GNB4: variants seen among roughly 807,000 people sequenced by gnomAD.
GNB4 encodes the protein G protein subunit beta 4.
Under a neutral mutation model 45.2 loss-of-function variants are expected in GNB4, and 28 were observed. The observed-to-expected ratio is 0.62, with a 90% CI of 0.46 to 0.85. GNB4 has a LOEUF of 0.85. Among genes scored for constraint, GNB4 ranks in the 40% least tolerant of loss-of-function variants. GNB4 has a pLI of 0.00. For synonymous variants in GNB4, 132 were observed against 143.7 expected, an observed-to-expected ratio of 0.92 and a Z score of 0.58; for missense variants, 321 against 425.4, an observed-to-expected ratio of 0.75 and a Z score of 2.16.
the GNB4 span, among the ~76,000 whole-genome samples, chr3:179,510,241 C>T: frequency 6.6e-6 from 1 of 152,252 alleles, no homozygotes; most frequent in African/African-American, 2.4e-5. Context: ...CCGCCCTGCC[C>T]AGCTCACTCA....
the GNB4 span, among the ~76,000 whole-genome samples, chr3:179,459,709 GA>G: frequency 3.4e-5 from 5 of 146,044 alleles, no homozygotes; most frequent in Admixed American, 2.7e-4. Context: ...AAAAAAGCAA[GA>G]AAAAAAAAAG....
chr3:179,415,698 G>A (rs1280517915), intron 5 of GNB4, among the ~76,000 whole-genome samples: 2 of 152,098 alleles, frequency 1.3e-5, no homozygotes, highest in Admixed American at 1.3e-4. Context: ...CACGTGGCAG[G>A]ATTACTACTA....
the GNB4 span, among the ~76,000 whole-genome samples, chr3:179,476,697 G>A: frequency 6.6e-6 from 1 of 152,210 alleles, no homozygotes; most frequent in Non-Finnish European, 1.5e-5. Context: ...TGTCCCTGCA[G>A]CTGTTGCATT....
the GNB4 span, among the ~76,000 whole-genome samples, chr3:179,481,301 C>T: frequency 2.6e-5 from 4 of 151,948 alleles, no homozygotes; most frequent in African/African-American, 2.4e-5. Context: ...TGCTAATGAG[C>T]GCCTGGCAAA....
At chr3:179,494,369 A>T in the GNB4 span, among the ~76,000 whole-genome samples, 1 of 151,144 alleles carries the variant, frequency 6.6e-6, no homozygotes, top group Non-Finnish European at 1.5e-5. Context: ...GGGAGGGAAG[A>T]AGGGAGGGAG....
At chr3:179,514,125 T>C in the GNB4 span, among the ~76,000 whole-genome samples, 2 of 152,002 alleles carry the variant, frequency 1.3e-5, no homozygotes, top group Non-Finnish European at 2.9e-5. Flanking sequence ...ATTGAGAAAA[T>C]GAAATGTGCT....
intron 1 of GNB4, among the ~76,000 whole-genome samples, chr3:179,437,185 T>C (rs1267933809): frequency 2.0e-5 from 3 of 152,206 alleles, no homozygotes; most frequent in Non-Finnish European, 4.4e-5. Flanking sequence ...GTACATTCAT[T>C]GTATTGGCAT....
At chr3:179,467,875 A>G in the GNB4 span, among the ~76,000 whole-genome samples, 6 of 151,706 alleles carry the variant, frequency 4.0e-5, no homozygotes, top group Admixed American at 3.9e-4. Context: ...GTAAAATGTG[A>G]TATTACCTCT....
chr3:179,449,929 T>C (rs1313975444), intron 1 of GNB4, among the ~76,000 whole-genome samples: 1 of 152,220 alleles, frequency 6.6e-6, no homozygotes, highest in Non-Finnish European at 1.5e-5. Context: ...CATACTTACA[T>C]GCCAATTGTT....
intron 1 of GNB4, among the ~76,000 whole-genome samples, chr3:179,434,447 G>A (rs1225250468): frequency 1.3e-5 from 2 of 152,036 alleles, no homozygotes; most frequent in Non-Finnish European, 2.9e-5. Flanking sequence ...TGGGCCAGGC[G>A]CAGTGGCTCA....
the GNB4 span, among the ~76,000 whole-genome samples, chr3:179,514,569 C>T: frequency 6.6e-6 from 1 of 152,130 alleles, no homozygotes; most frequent in Non-Finnish European, 1.5e-5. Flanking sequence ...GGAGATAGAG[C>T]CTTTCTGGAG....
At chr3:179,509,367 CACTACGAAA>C in the GNB4 span, among the ~76,000 whole-genome samples, 10 of 152,176 alleles carry the variant, frequency 6.6e-5, 1 homozygote, top group African/African-American at 2.4e-4. Flanking sequence ...AGTGAAATAA[CACTACGAAA>C]TAAACTAGAT....
At chr3:179,523,472 T>A in the GNB4 span, among the ~76,000 whole-genome samples, 2 of 152,150 alleles carry the variant, frequency 1.3e-5, no homozygotes, top group African/African-American at 4.8e-5. Context: ...GGAGAGTATG[T>A]GGGTTTGGCA....
the GNB4 span, among the ~76,000 whole-genome samples, chr3:179,503,723 T>A: frequency 6.6e-6 from 1 of 152,254 alleles, no homozygotes; most frequent in African/African-American, 2.4e-5. Flanking sequence ...GTCCCAAACA[T>A]AGGCTTCAGC....
chr3:179,471,822 A>G, the GNB4 span, among the ~76,000 whole-genome samples: 1 of 152,230 alleles, frequency 6.6e-6, no homozygotes, highest in Non-Finnish European at 1.5e-5. Context: ...CTTAGGTAGC[A>G]GAATTTTAAA....
the GNB4 span, among the ~76,000 whole-genome samples, chr3:179,471,466 C>T: frequency 2.0e-5 from 3 of 152,162 alleles, no homozygotes; most frequent in South Asian, 2.1e-4. Flanking sequence ...TAGATACACA[C>T]GTACTTACCA....
At chr3:179,420,853 GT>G in intron 3 of GNB4, 35 bp downstream of exon 3, 1 of 1,360,460 alleles carries the variant, frequency 7.4e-7, no homozygotes, top group South Asian at 1.2e-5. Context: ...TATTTTATGA[GT>G]TACCAAAATG....
At chr3:179,414,632 T>C (rs1469928227) in intron 6 of GNB4, among the ~76,000 whole-genome samples, 4 of 152,244 alleles carry the variant, frequency 2.6e-5, no homozygotes, top group African/African-American at 7.2e-5. Context: ...GCTTTATTTT[T>C]CATGAGTTTG....
intron 1 of GNB4, among the ~76,000 whole-genome samples, chr3:179,428,128 T>C (rs766179871): frequency 1.3e-5 from 2 of 152,248 alleles, no homozygotes; most frequent in Non-Finnish European, 2.9e-5. Context: ...CAGTATCTAT[T>C]TATTCTTTCA....
Sources: allele counts gnomAD v4.1 joint callset (sites outside exome capture counted in the v4.1 genomes callset), GRCh38; gene constraint gnomAD v4.1.1; transcripts MANE v1.5; gene names NCBI Gene and HGNC (gene_info 2026-07-23, HGNC 2026-07-21).